PAPLN: variants seen among roughly 807,000 people sequenced by gnomAD.
The protein encoded by PAPLN is papilin.
In PAPLN, 146 loss-of-function variants were observed where a neutral mutation model predicts 159.0. The ratio of observed to expected loss-of-function variants is 0.92; its 90% confidence interval spans 0.80 to 1.05. The LOEUF is 1.05. Among genes scored for constraint, PAPLN ranks in the 50% least tolerant of loss-of-function variants. The probability of loss-of-function intolerance (pLI) is 0.00; values close to 1 mark genes in which losing one functional copy is unlikely to be tolerated. For synonymous variants in PAPLN, 734 were observed against 702.9 expected, an observed-to-expected ratio of 1.04 and a Z score of -0.70; for missense variants, 1,720 against 1,743.9, an observed-to-expected ratio of 0.99 and a Z score of 0.24.
At position 73,266,831 on chromosome 14, in the gene PAPLN, G is replaced by T; in HGVS notation, c.3500G>T (p.Arg1167Met). ...AGESVNIRWS[R>M]NGLPVQADGH... ...GAAAGTGTGAACATCAGGTGGTCCA[G>T]GTAAAGGCTCTATTCCAAGTTGTCC... Residue 1167 changes from arginine to methionine, a missense_variant and splice_region_variant, in exon 25 of 27, where the codon AGG (arginine) becomes ATG (methionine). Physicochemically the swap from Arg to Met is moderately conservative, Grantham distance 91. Transcript: ENST00000644200. 2 of 1,608,580 alleles carry T rather than the reference G, an allele frequency of 1.2e-6. No individual in the cohort carries two copies. The highest frequency in any genetic ancestry group is 1.7e-6 in the Non-Finnish European group (2 of 1,177,252).
chr14:73,238,515 G>T (rs910805018), intron 1 of PAPLN, among the ~76,000 whole-genome samples: 3 of 152,258 alleles, frequency 2.0e-5, no homozygotes, highest in Non-Finnish European at 4.4e-5. Flanking sequence ...CAGCGGAGGC[G>T]GTGGTGTTCT....
chr14:73,259,276 A>C lies in PAPLN; in HGVS notation c.1716A>C (p.Arg572Ser). The change falls in exon 16 of 27, where the codon AGA becomes AGC. Residue 572 changes from arginine (R) to serine (S), a missense_variant. Physicochemically the swap from Arg to Ser is moderately radical, Grantham distance 110. Coordinates refer to ENST00000644200, the MANE Select transcript of PAPLN (RefSeq NM_001365906.3). Reference protein sequence around the residue: ...GPQESPASDSRGQWWAAQEHP... With the variant: ...GPQESPASDSSGQWWAAQEHP... ...TTTGCTTCTTCTTTCTAGACTCCAGAGGCCAGTGGTGGGCAGCCCAGGAAC... is the reference window on the plus strand; with the variant it reads ...TTTGCTTCTTCTTTCTAGACTCCAGCGGCCAGTGGTGGGCAGCCCAGGAAC... The C allele has an allele frequency of 6.4e-7, 1 of 1,555,820 alleles. No individual in the cohort carries two copies. Among genetic ancestry groups the C allele is most frequent in the Admixed American group, 1.9e-5 (1 of 52,314 alleles).
intron 11 of PAPLN, among the ~76,000 whole-genome samples, chr14:73,253,417 C>T (rs1386970091): frequency 1.3e-5 from 2 of 152,216 alleles, no homozygotes; most frequent in Non-Finnish European, 2.9e-5. Context: ...ACAGCCTCTC[C>T]AGGAGCTGCC....
At chr14:73,247,277 C>T (rs1032996336) in intron 5 of PAPLN, among the ~76,000 whole-genome samples, 1 of 152,166 alleles carries the variant, frequency 6.6e-6, no homozygotes, top group Non-Finnish European at 1.5e-5. Context: ...TAGAGAAATA[C>T]AGTTCAGGGA....
chr14:73,263,954 GC>G (rs1159296779), intron 20 of PAPLN, 172 bp downstream of exon 20: 12 of 1,400,624 alleles, frequency 8.6e-6, no homozygotes, highest in Non-Finnish European at 1.0e-5. Context: ...GTGTGTGACG[GC>G]CCCCCGACCT....
At chr14:73,252,222 TCTC>T in intron 10 of PAPLN, 81 bp downstream of exon 10, 2 of 1,477,698 alleles carry the variant, frequency 1.4e-6, no homozygotes, top group East Asian at 2.5e-5. Flanking sequence ...GTCACAGCCC[TCTC>T]CTCAAGGCAG....
intron 14 of PAPLN, among the ~76,000 whole-genome samples, chr14:73,258,279 A>G (rs1282337404): frequency 1.3e-5 from 2 of 152,128 alleles, no homozygotes; most frequent in Non-Finnish European, 2.9e-5. Flanking sequence ...CTGATGACTA[A>G]TGATGTTGAG....
At chr14:73,239,854 C>A (rs373041270) in intron 2 of PAPLN, 22 bp downstream of exon 2, 1 of 1,566,114 alleles carries the variant, frequency 6.4e-7, no homozygotes, top group Non-Finnish European at 8.6e-7. Flanking sequence ...CCTGCCCCGG[C>A]CCCCGGAGGA....
intron 5 of PAPLN, 59 bp from the exon 6 acceptor site, chr14:73,249,925 T>G (rs2293793): frequency 6.5e-7 from 1 of 1,529,268 alleles, no homozygotes; most frequent in Non-Finnish European, 8.8e-7. Flanking sequence ...AAGCCTTGGG[T>G]CTTGGGGAGG....
rs1466715098 is a variant in PAPLN, at chr14:73,246,056, TC to T, written c.232-13del. 6.6e-7 allele frequency: 1 copy of T among 1,521,186 alleles called. No individual in the cohort carries two copies. The highest frequency in any genetic ancestry group is 8.8e-7 in the Non-Finnish European group (1 of 1,138,654). 94.2% of individuals were successfully genotyped at this position (1,521,186 alleles called of 1,614,324 possible). ...GACTCCGCCCTCCTGGATCCCGACT[TC>T]CCCTCCGCCCCGCAGAGCTGCCCCG... On this transcript the variant is annotated splice_polypyrimidine_tract_variant and intron_variant, in intron 4 of 26. Transcript: ENST00000644200.
chr14:73,239,606 C>T (rs1224249973), intron 1 of PAPLN, 167 bp from the exon 2 acceptor site: 6 of 1,303,022 alleles, frequency 4.6e-6, no homozygotes, highest in Non-Finnish European at 6.0e-6. Flanking sequence ...CGGCGGGGCG[C>T]CCTCACGCTG....
chr14:73,259,377 T>C lies in PAPLN; in HGVS notation c.1817T>C (p.Leu606Pro). The C allele has an allele frequency of 6.2e-7, 1 of 1,612,274 alleles. No homozygotes were observed. The highest frequency in any genetic ancestry group is 8.5e-7 in the Non-Finnish European group (1 of 1,179,290). ...GACCAAGGCACCCACCTGTCAGCCC[T>C]GGGCCCCGCTCCCTCTCTGCAGCAG... ...RGDQGTHLSA[L>P]GPAPSLQQPP... Residue 606 changes from leucine (L) to proline (P), a missense_variant, in exon 16 of 27, where the codon CTG becomes CCG. By Grantham distance (98) the Leu-to-Pro change is moderately conservative (BLOSUM62 -3). Transcript: ENST00000644200.
intron 5 of PAPLN, 153 bp from the exon 6 acceptor site, chr14:73,249,831 C>T (rs1885034869): frequency 1.3e-6 from 1 of 764,564 alleles, no homozygotes. Flanking sequence ...GAGACGGTCC[C>T]TTCTCCTGGG....
chr14:73,259,952 C>T (rs894224618), intron 16 of PAPLN, among the ~76,000 whole-genome samples: 18 of 152,150 alleles, frequency 1.2e-4, no homozygotes, highest in Admixed American at 1.3e-4. Flanking sequence ...TGGAATGGGT[C>T]CGAGTCATCC....
chr14:73,270,899 G>A (rs978277817), intron 26 of PAPLN, among the ~76,000 whole-genome samples: 8 of 152,166 alleles, frequency 5.3e-5, no homozygotes, highest in South Asian at 2.1e-4. Context: ...CCTACTCATG[G>A]TTGGGTGGCA....
chr14:73,236,238 C>T (rs1377571515), upstream of PAPLN, among the ~76,000 whole-genome samples: 1 of 152,234 alleles, frequency 6.6e-6, no homozygotes, highest in Non-Finnish European at 1.5e-5. Flanking sequence ...AAGTTGATCA[C>T]ATGCGTTGAG....
intron 26 of PAPLN, among the ~76,000 whole-genome samples, chr14:73,271,815 G>A (rs1887755433): frequency 1.3e-5 from 2 of 152,150 alleles, no homozygotes; most frequent in African/African-American, 4.8e-5. Flanking sequence ...AAACTTAATA[G>A]GGAGTTATGA....
intron 1 of PAPLN, 52 bp from the exon 2 acceptor site, chr14:73,239,721 C>G (rs1883323668): frequency 1.3e-6 from 2 of 1,536,298 alleles, no homozygotes; most frequent in African/African-American, 1.4e-5. Flanking sequence ...CGCCCGCGCC[C>G]AGGACAGCTG....
Position 73,266,977 on chromosome 14 carries a change from C to T in PAPLN, c.3500+146C>T, listed in dbSNP as rs560570414. ...GTGCCAGGGGAGAGGGCTGCAGCACCCTCATCCCTACAGAGCAAAGCTCTG... is the reference window on the plus strand; with the variant it reads ...GTGCCAGGGGAGAGGGCTGCAGCACTCTCATCCCTACAGAGCAAAGCTCTG... On this transcript the variant is annotated intron_variant, in intron 25 of 26. Coordinates refer to ENST00000644200, the MANE Select transcript of PAPLN (RefSeq NM_001365906.3). 4.0e-4 allele frequency: 306 copies of T among 756,136 alleles called. 1 individual carries two copies. The African/African-American group carries it at 4.6e-3, about 11-fold the overall frequency. 46.8% of individuals were successfully genotyped at this position (756,136 alleles called of 1,614,324 possible).
Sources: gnomAD v4.1 joint callset for allele counts (sites outside exome capture counted in the v4.1 genomes callset) on GRCh38, gnomAD v4.1.1 for gene constraint, MANE v1.5 for transcripts, NCBI Gene and HGNC (gene_info 2026-07-23, HGNC 2026-07-21) for gene names.